TMIGD3: variants seen among roughly 807,000 people sequenced by gnomAD.
TMIGD3 encodes the protein transmembrane and immunoglobulin domain containing 3.
TMIGD3 carries 21 observed loss-of-function variants against 28.1 expected under a neutral mutation model. That is an observed-to-expected ratio of 0.75 (90% CI 0.53 to 1.08). TMIGD3 has a LOEUF of 1.08. Ranked by LOEUF, TMIGD3 falls within the 50% of genes least tolerant of loss-of-function variation. TMIGD3 has a pLI of 0.00. For synonymous variants in TMIGD3, 151 were observed against 162.1 expected, an observed-to-expected ratio of 0.93 and a Z score of 0.52; for missense variants, 416 against 435.6, an observed-to-expected ratio of 0.96 and a Z score of 0.40.
intron 5 of TMIGD3, among the ~76,000 whole-genome samples, chr1:111,485,105 C>T (rs1333175829): frequency 6.6e-6 from 1 of 152,120 alleles, no homozygotes; most frequent in Admixed American, 6.5e-5. Flanking sequence ...GCAGGAGAAT[C>T]GCTTGAACCT....
chr1:111,516,297 G>C (rs140579468), intron 1 of TMIGD3, among the ~76,000 whole-genome samples: 1 of 152,228 alleles, frequency 6.6e-6, no homozygotes, highest in African/African-American at 2.4e-5. Context: ...CTCCAGGTCA[G>C]TCAGGAGGAG....
intron 1 of TMIGD3, among the ~76,000 whole-genome samples, chr1:111,537,518 T>C (rs1160867822): frequency 6.6e-6 from 1 of 152,204 alleles, no homozygotes; most frequent in Admixed American, 6.5e-5. Flanking sequence ...GCACTCTTTT[T>C]TAAAGAAGAA....
chr1:111,489,443 CA>C (rs1479837619), intron 2 of TMIGD3: 23 of 576,624 alleles, frequency 4.0e-5, no homozygotes, highest in Non-Finnish European at 5.0e-5. Flanking sequence ...CCAAACTTGC[CA>C]AATGCCTCGA....
At chr1:111,554,640 A>G (rs1657406441) in intron 1 of TMIGD3, among the ~76,000 whole-genome samples, 2 of 152,370 alleles carry the variant, frequency 1.3e-5, no homozygotes, top group South Asian at 4.1e-4. Context: ...CCTCAAAGGA[A>G]TATGGTGAAA....
chr1:111,502,028 T>TGA, intron 1 of TMIGD3, among the ~76,000 whole-genome samples: 1 of 92,582 alleles, frequency 1.1e-5, no homozygotes, highest in Non-Finnish European at 2.5e-5. Context: ...TTTATTATAT[T>TGA]ATATATAGGA....
chr1:111,506,160 TC>T (rs1655483045), upstream of TMIGD3, among the ~76,000 whole-genome samples: 1 of 152,168 alleles, frequency 6.6e-6, no homozygotes, highest in Non-Finnish European at 1.5e-5. Flanking sequence ...GTATATGACT[TC>T]CCCGCTTAGC....
At chr1:111,542,113 C>G in intron 1 of TMIGD3, 1 of 169,800 alleles carries the variant, frequency 5.9e-6, no homozygotes, top group South Asian at 9.7e-5. Context: ...AGGGTTTTTT[C>G]AAATGTTTAT....
intron 1 of TMIGD3, among the ~76,000 whole-genome samples, chr1:111,553,498 C>A (rs755979914): frequency 2.0e-5 from 3 of 152,180 alleles, no homozygotes; most frequent in Non-Finnish European, 1.5e-5. Flanking sequence ...AGCTTACATG[C>A]AGAGTAAAAT....
At chr1:111,530,551 T>C (rs1656425313) in intron 1 of TMIGD3, among the ~76,000 whole-genome samples, 1 of 152,204 alleles carries the variant, frequency 6.6e-6, no homozygotes, top group African/African-American at 2.4e-5. Context: ...GAAGAGCCAT[T>C]TGAAATGCCT....
At chr1:111,548,968 C>A (rs190031921) in intron 1 of TMIGD3, among the ~76,000 whole-genome samples, 1 of 152,288 alleles carries the variant, frequency 6.6e-6, no homozygotes, top group African/African-American at 2.4e-5. Context: ...AGTACAAGTT[C>A]ATTTTAGTGC....
intron 1 of TMIGD3, among the ~76,000 whole-genome samples, chr1:111,495,945 G>A (rs1422860266): frequency 6.6e-6 from 1 of 152,170 alleles, no homozygotes; most frequent in East Asian, 1.9e-4. Flanking sequence ...ATAAGTGAGA[G>A]CTAAATAATG....
At chr1:111,536,157 G>A (rs1035865769) in intron 1 of TMIGD3, among the ~76,000 whole-genome samples, 1 of 152,018 alleles carries the variant, frequency 6.6e-6, no homozygotes, top group Admixed American at 6.6e-5. Flanking sequence ...CTTCTCCTGT[G>A]CCTCATACAT....
chr1:111,534,363 C>A (rs1656568950), intron 1 of TMIGD3, among the ~76,000 whole-genome samples: 1 of 152,134 alleles, frequency 6.6e-6, no homozygotes, highest in Non-Finnish European at 1.5e-5. Flanking sequence ...AAACGACAAT[C>A]TTGGCATCCT....
chr1:111,524,261 C>A (rs539050533), intron 1 of TMIGD3, among the ~76,000 whole-genome samples: 65 of 152,140 alleles, frequency 4.3e-4, no homozygotes, highest in African/African-American at 1.4e-3. Context: ...GATCTCCTGA[C>A]CTTGTGATCT....
chr1:111,556,170 T>A (rs916812427), intron 1 of TMIGD3, among the ~76,000 whole-genome samples: 1 of 152,150 alleles, frequency 6.6e-6, no homozygotes. Context: ...TAAAAAGATA[T>A]TCAACATCAC....
At chr1:111,549,907 C>T (rs948263199) in intron 1 of TMIGD3, among the ~76,000 whole-genome samples, 15 of 152,270 alleles carry the variant, frequency 9.9e-5, no homozygotes, top group Non-Finnish European at 2.2e-4. Context: ...CCTGTCCCAG[C>T]CTACCAAAGT....
chr1:111,509,559 C>G (rs1351963270), intron 1 of TMIGD3, among the ~76,000 whole-genome samples: 2 of 152,102 alleles, frequency 1.3e-5, no homozygotes, highest in Non-Finnish European at 2.9e-5. Context: ...ACTACTGATC[C>G]CAAATGTTTA....
intron 1 of TMIGD3, among the ~76,000 whole-genome samples, chr1:111,491,080 T>C (rs1654637237): frequency 6.6e-6 from 1 of 152,254 alleles, no homozygotes; most frequent in Non-Finnish European, 1.5e-5. Flanking sequence ...GGTCCTGGCA[T>C]CATCAGAGGC....
chr1:111,488,713 T>G lies in TMIGD3; in HGVS notation c.769A>C (p.Lys257Gln), dbSNP rs1483210127. 6.2e-7 allele frequency: 1 copy of G among 1,613,972 alleles called. No homozygotes were observed. The highest frequency in any genetic ancestry group is 2.2e-5 in the East Asian group (1 of 44,900). ...DFTELIVTDD[K>Q]GTLANDFWSG... ...CAAAAGTCATTGGCCAGGGTTCCTT[T>G]GTCGTCAGTTACAATCAGCTCTGTA... Residue 257 changes from lysine (K) to glutamine (Q), a missense_variant, in exon 3 of 6, where the codon AAA (lysine) becomes CAA (glutamine). By Grantham distance (53) the Lys-to-Gln change is moderately conservative (BLOSUM62 1). Transcript: ENST00000369716.
Sources: gnomAD v4.1 joint callset for allele counts (sites outside exome capture counted in the v4.1 genomes callset) on GRCh38, gnomAD v4.1.1 for gene constraint, MANE v1.5 for transcripts, NCBI Gene and HGNC (gene_info 2026-07-23, HGNC 2026-07-21) for gene names.